The following MED13L variants were observed in gnomAD, a reference collection of about 807,000 sequenced individuals.
MED13L encodes the protein mediator of RNA polymerase II transcription subunit 13-like.
In MED13L, 7 loss-of-function variants were observed where a neutral mutation model predicts 220.9. The ratio of observed to expected loss-of-function variants is 0.03; its 90% CI spans 0.02 to 0.06. MED13L has a LOEUF of 0.06. Among genes scored for constraint, MED13L ranks in the 10% least tolerant of loss-of-function variants. The pLI is 1.00. For synonymous variants in MED13L, 1,011 were observed against 1,015.2 expected, an observed-to-expected ratio of 1.00 and a Z score of 0.08; for missense variants, 1,965 against 2,760.5, an observed-to-expected ratio of 0.71 and a Z score of 6.46.
At position 116,256,058 on chromosome 12, in the gene MED13L, A is replaced by G. The variant is rs572404329; in HGVS notation, c.73-18353T>C. The stretch of plus-strand genomic sequence containing the variant: ...ACAAGGATGGCTGAAATTTGTAAAA[A>G]TTCATTGTACTACATGCTGCAAGAA... On this transcript the variant is annotated intron_variant, in intron 1 of 30. Coordinates refer to ENST00000281928, the MANE Select transcript of MED13L (RefSeq NM_015335.5). Among the ~76,000 whole-genome samples, 462 of 152,350 alleles carry G rather than the reference A, an allele frequency of 3.0e-3. 5 individuals are homozygous for G. The highest frequency in any genetic ancestry group is 0.01 in the African/African-American group (430 of 41,580).
At chr12:116,207,112 TG>T (rs1882385206) in intron 2 of MED13L, among the ~76,000 whole-genome samples, 2 of 151,978 alleles carry the variant, frequency 1.3e-5, no homozygotes, top group African/African-American at 4.8e-5. Flanking sequence ...ACCACACAGA[TG>T]ATGGTGGTCC....
intron 4 of MED13L, among the ~76,000 whole-genome samples, chr12:116,085,010 C>A: frequency 6.6e-6 from 1 of 152,138 alleles, no homozygotes; most frequent in Non-Finnish European, 1.5e-5. Flanking sequence ...TATTTTTCTA[C>A]ATTCTCAATA....
At chr12:116,198,166 C>A (rs568692607) in intron 2 of MED13L, among the ~76,000 whole-genome samples, 2 of 152,150 alleles carry the variant, frequency 1.3e-5, no homozygotes, top group African/African-American at 4.8e-5. Context: ...CAGAGAACTA[C>A]AATGTAAAAA....
intron 29 of MED13L, among the ~76,000 whole-genome samples, chr12:115,965,649 T>C (rs1876101134): frequency 6.6e-6 from 1 of 152,220 alleles, no homozygotes; most frequent in Admixed American, 6.5e-5. Context: ...CAAGTGTAAA[T>C]GTGCGATGTT....
intron 2 of MED13L, among the ~76,000 whole-genome samples, chr12:116,132,942 G>T (rs571610196): frequency 2.6e-5 from 4 of 152,002 alleles, no homozygotes. Flanking sequence ...GCGAAGGGGA[G>T]GAAAGGAAGA....
At chr12:116,156,407 A>C (rs1593109994) in intron 2 of MED13L, among the ~76,000 whole-genome samples, 1 of 151,640 alleles carries the variant, frequency 6.6e-6, no homozygotes, top group Non-Finnish European at 1.5e-5. Flanking sequence ...TTACTTAAAA[A>C]AAAAAAAAAA....
chr12:116,124,955 G>A (rs903354978), intron 2 of MED13L, among the ~76,000 whole-genome samples: 3 of 152,118 alleles, frequency 2.0e-5, no homozygotes, highest in Non-Finnish European at 4.4e-5. Context: ...CAAAATATTG[G>A]AAAATACTTT....
chr12:116,158,300 C>T (rs1258320918), intron 2 of MED13L, among the ~76,000 whole-genome samples: 1 of 152,128 alleles, frequency 6.6e-6, no homozygotes, highest in East Asian at 1.9e-4. Flanking sequence ...ATATTTGAGG[C>T]ATTTGAAATC....
rs549781781 is a variant in MED13L, at chr12:116,036,242, T to C, written c.480-13641A>G. ...ATGAGAAGAACAAGAACAACTGATATACACAGTGAAGATTTTTAAAGCTGA... is the reference window on the plus strand; with the variant it reads ...ATGAGAAGAACAAGAACAACTGATACACACAGTGAAGATTTTTAAAGCTGA... On this transcript the variant is annotated intron_variant, in intron 4 of 30. Coordinates refer to ENST00000281928, the MANE Select transcript of MED13L (RefSeq NM_015335.5). Among the ~76,000 whole-genome samples the C allele has an allele frequency of 2.8e-3, 432 of 152,364 alleles. 3 individuals carry two copies. The highest frequency in any genetic ancestry group is 5.1e-3 in the Non-Finnish European group (344 of 68,028).
chr12:116,094,908 C>T (rs181060651), intron 4 of MED13L, among the ~76,000 whole-genome samples: 1 of 152,198 alleles, frequency 6.6e-6, no homozygotes, highest in Non-Finnish European at 1.5e-5. Context: ...GGGGCTCACA[C>T]CTGTAATCCC....
chr12:116,036,687 C>A (rs993688526), intron 4 of MED13L, among the ~76,000 whole-genome samples: 3 of 152,110 alleles, frequency 2.0e-5, no homozygotes, highest in Non-Finnish European at 2.9e-5. Flanking sequence ...AAGCCTCTTG[C>A]CAGAAGCAAT....
intron 2 of MED13L, among the ~76,000 whole-genome samples, chr12:116,213,340 G>A (rs1410346867): frequency 6.6e-6 from 1 of 152,176 alleles, no homozygotes; most frequent in Non-Finnish European, 1.5e-5. Context: ...AGGGGCAAAT[G>A]TTTTGAAGTA....
chr12:116,198,922 A>C (rs1008774995), intron 2 of MED13L, among the ~76,000 whole-genome samples: 1 of 152,234 alleles, frequency 6.6e-6, no homozygotes, highest in African/African-American at 2.4e-5. Flanking sequence ...ACATCAGAGT[A>C]CAATTACACA....
intron 25 of MED13L, among the ~76,000 whole-genome samples, chr12:115,974,666 G>C (rs999723627): frequency 1.3e-5 from 2 of 152,206 alleles, no homozygotes; most frequent in African/African-American, 4.8e-5. Flanking sequence ...ACATCAGACA[G>C]TGGCAATGTG....
chr12:116,161,656 A>G (rs1274377961), intron 2 of MED13L, among the ~76,000 whole-genome samples: 1 of 152,184 alleles, frequency 6.6e-6, no homozygotes, highest in Non-Finnish European at 1.5e-5. Context: ...AAAAGTTACT[A>G]TGGATTAAGC....
intron 3 of MED13L, among the ~76,000 whole-genome samples, chr12:116,102,868 C>T (rs1453118782): frequency 3.3e-5 from 5 of 151,506 alleles, no homozygotes; most frequent in South Asian, 4.2e-4. Context: ...ATTACAGACG[C>T]GCCCCACCAC....
At chr12:116,227,933 T>C (rs1229270392) in intron 2 of MED13L, among the ~76,000 whole-genome samples, 3 of 151,548 alleles carry the variant, frequency 2.0e-5, no homozygotes, top group Non-Finnish European at 2.9e-5. Flanking sequence ...AATAAATAAA[T>C]AAAAAATTTA....
At chr12:116,112,121 A>T (rs185333340) in intron 2 of MED13L, among the ~76,000 whole-genome samples, 1 of 152,316 alleles carries the variant, frequency 6.6e-6, no homozygotes, top group East Asian at 1.9e-4. Context: ...GAAATATATT[A>T]TAACATTGAG....
intron 13 of MED13L, 122 bp from the exon 14 acceptor site, chr12:116,003,224 C>A: frequency 2.6e-6 from 2 of 784,084 alleles, no homozygotes; most frequent in Non-Finnish European, 4.4e-6. Flanking sequence ...CCAGGTGAAC[C>A]TCTAGAAATA....
Sources: gnomAD v4.1 joint callset for allele counts (sites outside exome capture counted in the v4.1 genomes callset) on GRCh38, gnomAD v4.1.1 for gene constraint, MANE v1.5 for transcripts, NCBI Gene and HGNC (gene_info 2026-07-23, HGNC 2026-07-21) for gene names.